WWOX: variants seen among roughly 807,000 people sequenced by gnomAD.
The protein encoded by WWOX is WW domain-containing oxidoreductase.
WWOX carries 69 observed loss-of-function variants against 46.2 expected under a neutral mutation model. The observed-to-expected ratio is 1.49, with a 90% CI of 1.23 to 1.82. The LOEUF (loss-of-function observed/expected upper bound fraction) is 1.82, where lower values mean the gene tolerates loss of function less well. Ranked by LOEUF, WWOX falls within the 40% of genes most tolerant of loss-of-function variation. WWOX has a pLI of 0.00. For missense variants in WWOX, 919 were observed against 542.6 expected (o/e 1.69, Z -6.89); for synonymous variants, 359 against 202.6 (o/e 1.77, Z -6.56).
intron 5 of WWOX, among the ~76,000 whole-genome samples, chr16:78,243,824 G>T (rs539787562): frequency 2.0e-5 from 3 of 152,332 alleles, no homozygotes; most frequent in African/African-American, 4.8e-5. Context: ...TGAGATCACA[G>T]GCGTGAGCCA....
intron 8 of WWOX, among the ~76,000 whole-genome samples, chr16:78,886,970 C>G (rs922016662): frequency 6.6e-6 from 1 of 151,926 alleles, no homozygotes; most frequent in Non-Finnish European, 1.5e-5. Context: ...TTTATAGGGT[C>G]TGCTGGGTTT....
In WWOX at chr16:79,108,293, C is replaced by A. The variant is rs59536929; in HGVS notation, c.1057-103315C>A. ...CATCAGCGGGGTCCTGCAGTGCCTTCTTGACACACACATCAGTGTATACCC... is the reference window on the plus strand; with the variant it reads ...CATCAGCGGGGTCCTGCAGTGCCTTATTGACACACACATCAGTGTATACCC... On this transcript the variant is annotated intron_variant, in intron 8 of 8. Transcript: ENST00000566780. Among the ~76,000 whole-genome samples, 533 of 152,358 alleles carry A rather than the reference C, an allele frequency of 3.5e-3. 4 individuals are homozygous for A. Among genetic ancestry groups the A allele is most frequent in the African/African-American group, 0.012 (503 of 41,582 alleles).
chr16:78,484,616 C>A (rs74028844), intron 8 of WWOX, among the ~76,000 whole-genome samples: 3,384 of 152,224 alleles, frequency 0.022, 121 homozygotes, highest in African/African-American at 0.078. Context: ...ATCAAGGTGG[C>A]AAACGGTAGT....
chr16:78,640,339 T>G (rs868350481), intron 8 of WWOX, among the ~76,000 whole-genome samples: 3 of 146,994 alleles, frequency 2.0e-5, no homozygotes, highest in African/African-American at 7.7e-5. Flanking sequence ...TGACTTCCCT[T>G]GAAAATTTGG....
chr16:78,169,798 G>A (rs2035094679), intron 5 of WWOX, among the ~76,000 whole-genome samples: 1 of 152,080 alleles, frequency 6.6e-6, no homozygotes, highest in Non-Finnish European at 1.5e-5. Flanking sequence ...GGAGGCAGGG[G>A]CGGTGGATTG....
chr16:78,883,097 G>A (rs1481674269), intron 8 of WWOX, among the ~76,000 whole-genome samples: 2 of 152,104 alleles, frequency 1.3e-5, no homozygotes, highest in Non-Finnish European at 2.9e-5. Context: ...TCCAGAAAAG[G>A]GTAGATATTC....
intron 8 of WWOX, among the ~76,000 whole-genome samples, chr16:79,152,048 C>G (rs1280336325): frequency 6.6e-6 from 1 of 152,150 alleles, no homozygotes; most frequent in African/African-American, 2.4e-5. Context: ...TCATAGAAGA[C>G]CTTGATCTTA....
chr16:78,608,874 A>G (rs1567433364), intron 8 of WWOX, among the ~76,000 whole-genome samples: 1 of 152,114 alleles, frequency 6.6e-6, no homozygotes, highest in Non-Finnish European at 1.5e-5. Context: ...TAAATTCCAA[A>G]TCTGGGCACA....
intron 8 of WWOX, among the ~76,000 whole-genome samples, chr16:78,784,506 G>T (rs2050407703): frequency 6.6e-6 from 1 of 152,008 alleles, no homozygotes; most frequent in Admixed American, 6.6e-5. Flanking sequence ...AGCTAGGCTT[G>T]TGACTTTGAA....
chr16:78,535,686 G>C (rs1041273023), intron 8 of WWOX: 1 of 152,150 alleles, frequency 6.6e-6, no homozygotes, highest in Non-Finnish European at 1.5e-5. Context: ...CATTAATCTC[G>C]TCTTCTTTGT....
At chr16:78,389,273 G>T (rs777436370) in intron 6 of WWOX, among the ~76,000 whole-genome samples, 2 of 152,180 alleles carry the variant, frequency 1.3e-5, no homozygotes, top group African/African-American at 4.8e-5. Flanking sequence ...GATTTGCTTC[G>T]TCATTCATTT....
At chr16:78,173,636 A>T (rs188775310) in intron 5 of WWOX, among the ~76,000 whole-genome samples, 32 of 152,156 alleles carry the variant, frequency 2.1e-4, no homozygotes, top group African/African-American at 7.0e-4. Context: ...TTACCTGCAG[A>T]TGCTAATATG....
intron 5 of WWOX, among the ~76,000 whole-genome samples, chr16:78,367,463 T>C (rs550980573): frequency 9.9e-5 from 15 of 152,260 alleles, no homozygotes; most frequent in Admixed American, 9.2e-4. Flanking sequence ...ATTAATATTT[T>C]ATGCACAGCC....
At chr16:79,099,478 C>G (rs1157596863) in intron 8 of WWOX, among the ~76,000 whole-genome samples, 5 of 152,114 alleles carry the variant, frequency 3.3e-5, no homozygotes, top group African/African-American at 1.2e-4. Context: ...TCCATTCTAG[C>G]TGACTGTTGT....
chr16:78,512,668 C>T, intron 8 of WWOX, among the ~76,000 whole-genome samples: 1 of 152,140 alleles, frequency 6.6e-6, no homozygotes, highest in East Asian at 1.9e-4. Flanking sequence ...TTCAATGAGA[C>T]TCATTTCGCA....
intron 8 of WWOX, among the ~76,000 whole-genome samples, chr16:78,792,200 T>A (rs2050621574): frequency 6.6e-6 from 1 of 152,118 alleles, no homozygotes; most frequent in Non-Finnish European, 1.5e-5. Context: ...GGGTTTGAGG[T>A]GACCTTGGCT....
chr16:78,153,207 A>G (rs2034476609), intron 4 of WWOX, among the ~76,000 whole-genome samples: 1 of 152,212 alleles, frequency 6.6e-6, no homozygotes. Context: ...GGTATGGATT[A>G]GCTAGTCATT....
At position 79,108,222 on chromosome 16, in the gene WWOX, C is replaced by G. The variant is rs149609618; in HGVS notation, c.1057-103386C>G. On this transcript the variant is annotated intron_variant, in intron 8 of 8. Coordinates refer to ENST00000566780, the MANE Select transcript of WWOX (RefSeq NM_016373.4). Reference sequence around the variant, plus strand: ...ATGGATTTTAGCTTCATAATTCTGGCTTTGACTAGACCCTCTTACAAGCAA... The same window carrying G: ...ATGGATTTTAGCTTCATAATTCTGGGTTTGACTAGACCCTCTTACAAGCAA... Among the ~76,000 whole-genome samples, 62 of 152,358 alleles carry G rather than the reference C, an allele frequency of 4.1e-4. No homozygotes were observed. The East Asian group carries it at 9.8e-3, about 24-fold the overall frequency.
intron 8 of WWOX, among the ~76,000 whole-genome samples, chr16:78,498,121 C>T (rs1282771797): frequency 1.4e-5 from 2 of 146,344 alleles, no homozygotes; most frequent in African/African-American, 5.0e-5. Flanking sequence ...AGGAGAATGG[C>T]ATGAACATGG....
Sources: allele counts gnomAD v4.1 joint callset (sites outside exome capture counted in the v4.1 genomes callset), GRCh38; gene constraint gnomAD v4.1.1; transcripts MANE v1.5; gene names NCBI Gene and HGNC (gene_info 2026-07-23, HGNC 2026-07-21).